The following EDIL3 variants were observed in gnomAD, a reference collection of about 807,000 sequenced individuals.
EDIL3 encodes EGF-like repeat and discoidin I-like domain-containing protein 3.
In EDIL3, 37 loss-of-function variants were observed where a neutral mutation model predicts 67.4. The ratio of observed to expected loss-of-function variants is 0.55; its 90% CI spans 0.42 to 0.72. The LOEUF (loss-of-function observed/expected upper bound fraction) is 0.72. EDIL3 is among the 30% of genes least tolerant of loss of function. The probability of loss-of-function intolerance (pLI) is 0.00; values close to 1 mark genes in which losing one functional copy is unlikely to be tolerated. For synonymous variants in EDIL3, 195 were observed against 196.3 expected (o/e 0.99, Z 0.05); for missense variants, 527 against 586.3 (o/e 0.90, Z 1.04).
chr5:84,081,538 G>A (rs1205898147), intron 6 of EDIL3, among the ~76,000 whole-genome samples: 3 of 151,920 alleles, frequency 2.0e-5, no homozygotes, highest in Non-Finnish European at 2.9e-5. Flanking sequence ...AAGCCAGAGT[G>A]TTACCAAAAA....
chr5:83,947,888 G>A (rs1025763645), intron 10 of EDIL3, among the ~76,000 whole-genome samples: 2 of 151,808 alleles, frequency 1.3e-5, no homozygotes, highest in African/African-American at 4.8e-5. Flanking sequence ...AACATTCATA[G>A]TTCCTTAAAA....
chr5:84,141,926 C>T (rs199961058), intron 4 of EDIL3, among the ~76,000 whole-genome samples: 48,333 of 123,900 alleles, frequency 0.39, 9,538 homozygotes, highest in East Asian at 0.73. Flanking sequence ...TATATATACA[C>T]ATATATATAT....
At chr5:84,095,838 A>C (rs1424763507) in intron 6 of EDIL3, among the ~76,000 whole-genome samples, 1 of 152,220 alleles carries the variant, frequency 6.6e-6, no homozygotes, top group African/African-American at 2.4e-5. Flanking sequence ...TCTCCACAGC[A>C]TGTTAGAGGT....
At chr5:84,101,384 A>G (rs532676706) in intron 6 of EDIL3, among the ~76,000 whole-genome samples, 7 of 152,230 alleles carry the variant, frequency 4.6e-5, no homozygotes, top group African/African-American at 1.7e-4. Flanking sequence ...AATCACCCAA[A>G]GAAGATTAAA....
chr5:84,126,247 C>T (rs576867583), intron 5 of EDIL3, among the ~76,000 whole-genome samples: 5 of 152,144 alleles, frequency 3.3e-5, no homozygotes, highest in African/African-American at 1.2e-4. Flanking sequence ...ATGAAAATGG[C>T]TCATTGACAG....
At chr5:84,052,390 A>C (rs1746357236) in intron 9 of EDIL3, among the ~76,000 whole-genome samples, 1 of 152,278 alleles carries the variant, frequency 6.6e-6, no homozygotes, top group Non-Finnish European at 1.5e-5. Context: ...GCTAGGAAGA[A>C]ACTGCATCAA....
At chr5:84,069,157 T>C (rs1299012459) in intron 6 of EDIL3, among the ~76,000 whole-genome samples, 1 of 152,232 alleles carries the variant, frequency 6.6e-6, no homozygotes, top group East Asian at 1.9e-4. Context: ...TAAAATATTT[T>C]CATTTATGTA....
At chr5:84,271,487 T>C (rs1318495786) in intron 1 of EDIL3, among the ~76,000 whole-genome samples, 1 of 151,730 alleles carries the variant, frequency 6.6e-6, no homozygotes, top group Non-Finnish European at 1.5e-5. Flanking sequence ...ACTTAGTCTA[T>C]TGCAGAAGGA....
intron 3 of EDIL3, among the ~76,000 whole-genome samples, chr5:84,206,798 C>T (rs1331906902): frequency 4.6e-5 from 7 of 152,130 alleles, no homozygotes. Flanking sequence ...ACAAAAACCA[C>T]ATGATTATCT....
chr5:84,039,599 T>G (rs531904851), intron 9 of EDIL3, among the ~76,000 whole-genome samples: 1 of 152,230 alleles, frequency 6.6e-6, no homozygotes, highest in African/African-American at 2.4e-5. Context: ...TATATCAGCA[T>G]CATAACTTAG....
chr5:83,953,209 T>C (rs1398585692), intron 10 of EDIL3, among the ~76,000 whole-genome samples: 3 of 151,838 alleles, frequency 2.0e-5, no homozygotes, highest in Non-Finnish European at 4.4e-5. Flanking sequence ...AATATACTTA[T>C]ACTAAAGAAT....
intron 3 of EDIL3, among the ~76,000 whole-genome samples, chr5:84,211,000 C>T (rs531588622): frequency 2.0e-5 from 3 of 152,266 alleles, no homozygotes; most frequent in Middle Eastern, 3.4e-3. Flanking sequence ...TCCGCCACCC[C>T]GCCCCCCAAC....
At chr5:83,960,251 TA>T (rs1437057195) in intron 10 of EDIL3, among the ~76,000 whole-genome samples, 4 of 151,178 alleles carry the variant, frequency 2.6e-5, no homozygotes, top group Admixed American at 1.3e-4. Context: ...ATGGTTTCAT[TA>T]AAAAATTTTA....
At chr5:84,319,994 C>T (rs1226786546) in intron 1 of EDIL3, among the ~76,000 whole-genome samples, 1 of 151,926 alleles carries the variant, frequency 6.6e-6, no homozygotes, top group Non-Finnish European at 1.5e-5. Flanking sequence ...CACACCAGGG[C>T]CTGTCAGGGG....
intron 1 of EDIL3, among the ~76,000 whole-genome samples, chr5:84,359,089 C>T (rs1204052824): frequency 5.3e-5 from 8 of 152,154 alleles, no homozygotes; most frequent in East Asian, 1.9e-4. Context: ...ATTACTGCTC[C>T]GTCCCACCCA....
intron 1 of EDIL3, among the ~76,000 whole-genome samples, chr5:84,349,321 G>A (rs1034342476): frequency 6.6e-6 from 1 of 152,098 alleles, no homozygotes; most frequent in African/African-American, 2.4e-5. Context: ...ACCTGAAGCA[G>A]CTTGTTTCTC....
intron 1 of EDIL3, among the ~76,000 whole-genome samples, chr5:84,333,362 G>A (rs185551010): frequency 1.3e-5 from 2 of 151,972 alleles, no homozygotes; most frequent in Admixed American, 6.6e-5. Context: ...CAAAAGAAAG[G>A]TTCTTAACAT....
chr5:84,134,727 T>A (rs747674394), intron 5 of EDIL3, among the ~76,000 whole-genome samples: 2 of 152,106 alleles, frequency 1.3e-5, no homozygotes, highest in Non-Finnish European at 2.9e-5. Flanking sequence ...GTCCTTAAAA[T>A]TTAATAAAAT....
chr5:84,202,594 C>T (rs1047466412), intron 3 of EDIL3, among the ~76,000 whole-genome samples: 1 of 152,006 alleles, frequency 6.6e-6, no homozygotes, highest in Non-Finnish European at 1.5e-5. Flanking sequence ...ATAAAGGTGG[C>T]TTGGATGTTT....
Sources: allele counts gnomAD v4.1 joint callset (sites outside exome capture counted in the v4.1 genomes callset), GRCh38; gene constraint gnomAD v4.1.1; transcripts MANE v1.5; gene names NCBI Gene and HGNC (gene_info 2026-07-23, HGNC 2026-07-21).